ANKRD36: variants seen among roughly 807,000 people sequenced by gnomAD.
ANKRD36 encodes the protein ankyrin repeat domain-containing protein 36A.
In ANKRD36, 179 loss-of-function variants were observed where a neutral mutation model predicts 278.1. The ratio of observed to expected loss-of-function variants is 0.64; its 90% CI spans 0.57 to 0.73. The LOEUF is 0.73. Among genes scored for constraint, ANKRD36 ranks in the 30% least tolerant of loss-of-function variants. ANKRD36 has a pLI of 0.00. For missense variants in ANKRD36, 1,159 were observed against 1,956.7 expected (o/e 0.59, Z 7.69); for synonymous variants, 320 against 641.1 (o/e 0.50, Z 7.57).
chr2:97,152,069 T>C, intron 13 of ANKRD36, 130 bp downstream of exon 13: 1 of 591,554 alleles, frequency 1.7e-6, no homozygotes, highest in South Asian at 1.8e-5. Context: ...CTTGGCTCAC[T>C]GCAGTTTCCA....
chr2:97,221,812 GTTGCCA>G, intron 66 of ANKRD36, among the ~76,000 whole-genome samples: 1 of 146,968 alleles, frequency 6.8e-6, no homozygotes. Flanking sequence ...TTTGGCTTTT[GTTGCCA>G]TTGCTTTTGG....
chr2:97,180,108 T>C (rs2055703751), intron 24 of ANKRD36, among the ~76,000 whole-genome samples, 175 bp downstream of exon 24: 1 of 151,554 alleles, frequency 6.6e-6, no homozygotes, highest in South Asian at 2.1e-4. Flanking sequence ...TCCTTGGTCA[T>C]GATCTGAGTA....
At chr2:97,213,830 G>A (rs1326047244) in intron 60 of ANKRD36, among the ~76,000 whole-genome samples, 1 of 151,794 alleles carries the variant, frequency 6.6e-6, no homozygotes, top group Non-Finnish European at 1.5e-5. Context: ...CATTGAAATT[G>A]GGAAGAAGAA....
At chr2:97,134,558 A>G (rs2040992764) in intron 6 of ANKRD36, among the ~76,000 whole-genome samples, 1 of 152,136 alleles carries the variant, frequency 6.6e-6, no homozygotes, top group African/African-American at 2.4e-5. Flanking sequence ...TCTTTCTTTG[A>G]GGGATCACTT....
chr2:97,216,801 A>G (rs1315079965), intron 62 of ANKRD36: 3 of 482,396 alleles, frequency 6.2e-6, no homozygotes, highest in Non-Finnish European at 1.1e-5. Context: ...GATTTCTTGC[A>G]TGAAAGACCT....
At chr2:97,191,957 T>C (rs916060692) in intron 36 of ANKRD36, among the ~76,000 whole-genome samples, 1 of 151,640 alleles carries the variant, frequency 6.6e-6, no homozygotes, top group African/African-American at 2.4e-5. Flanking sequence ...TTGGATAAAA[T>C]AGCTATTTAA....
chr2:97,114,285 T>G (rs1574442915), intron 1 of ANKRD36, among the ~76,000 whole-genome samples: 5 of 78,306 alleles, frequency 6.4e-5, no homozygotes, highest in Non-Finnish European at 9.7e-5. Context: ...GGACTGGAGG[T>G]GGGGGTGAGG....
intron 14 of ANKRD36, among the ~76,000 whole-genome samples, chr2:97,153,468 A>T (rs2046633016): frequency 6.6e-6 from 1 of 151,186 alleles, no homozygotes. Context: ...CTAGAGACTA[A>T]ACAAAATATC....
At chr2:97,228,499 G>A in intron 67 of ANKRD36, among the ~76,000 whole-genome samples, 1 of 151,952 alleles carries the variant, frequency 6.6e-6, no homozygotes, top group East Asian at 2.0e-4. Context: ...TTATCATTTT[G>A]TATTGCATCT....
chr2:97,121,747 G>C (rs1283185400), intron 3 of ANKRD36, among the ~76,000 whole-genome samples: 2 of 151,964 alleles, frequency 1.3e-5, no homozygotes, highest in African/African-American at 2.4e-5. Flanking sequence ...ATAAGCCATT[G>C]TATTTTTATT....
At chr2:97,228,861 A>C (rs1162267612) in intron 67 of ANKRD36, among the ~76,000 whole-genome samples, 1 of 151,862 alleles carries the variant, frequency 6.6e-6, no homozygotes, top group Non-Finnish European at 1.5e-5. Flanking sequence ...GGTTTCAAAG[A>C]ACATCTTTAT....
At chr2:97,169,492 T>C (rs945190124) in intron 22 of ANKRD36, among the ~76,000 whole-genome samples, 1 of 152,298 alleles carries the variant, frequency 6.6e-6, no homozygotes, top group African/African-American at 2.4e-5. Flanking sequence ...AGAAAGGAAG[T>C]CAAATTGTCT....
Position 97,192,975 on chromosome 2 carries a change from A to G in ANKRD36, c.2377-6A>G. The G allele has an allele frequency of 6.3e-7, 1 of 1,584,228 alleles. No individual in the cohort carries two copies. Among genetic ancestry groups the G allele is most frequent in the Non-Finnish European group, 8.6e-7 (1 of 1,165,332 alleles). ...AATTTATTATTTCATTTGAAATTCC[A>G]TTCAGGCTACAAGTGACGAGGAAGG... On this transcript the variant is annotated splice_region_variant and splice_polypyrimidine_tract_variant and intron_variant, in intron 37 of 75. Coordinates refer to ENST00000420699, the MANE Select transcript of ANKRD36 (RefSeq NM_001354587.1).
chr2:97,180,963 T>A (rs1386778311), intron 24 of ANKRD36, among the ~76,000 whole-genome samples: 1 of 151,678 alleles, frequency 6.6e-6, no homozygotes, highest in African/African-American at 2.4e-5. Flanking sequence ...CATGAGCGGA[T>A]GAAGAAACTT....
In ANKRD36 at chr2:97,191,428, C is replaced by A. The variant is rs117704677; in HGVS notation, c.2347+247C>A. ...AAGAAATATGGAGAGCAGTTGAAGA[C>A]ATAAGGGGCTCTGGGGAACAGCATA... is the stretch of plus-strand genomic sequence containing the variant. On this transcript the variant is annotated intron_variant, in intron 36 of 75. Transcript: ENST00000420699. 6.7e-3 allele frequency among the ~76,000 whole-genome samples: 1,010 copies of A among 151,754 alleles called. 59 individuals carry two copies. The East Asian group carries it at 0.11, about 17-fold the overall frequency.
intron 15 of ANKRD36, among the ~76,000 whole-genome samples, chr2:97,156,622 GT>G (rs1475207118): frequency 7.3e-6 from 1 of 136,066 alleles, no homozygotes; most frequent in Non-Finnish European, 1.6e-5. Context: ...GTCTATCATT[GT>G]TGGACATTTG....
chr2:97,182,918 A>G (rs2056581089), intron 26 of ANKRD36, among the ~76,000 whole-genome samples: 1 of 151,710 alleles, frequency 6.6e-6, no homozygotes, highest in Non-Finnish European at 1.5e-5. Context: ...ATCCCAACCT[A>G]TATCCAAGCT....
chr2:97,202,005 G>A (rs185414162), intron 46 of ANKRD36, among the ~76,000 whole-genome samples, 197 bp from the exon 47 acceptor site: 288 of 151,888 alleles, frequency 1.9e-3, no homozygotes, highest in African/African-American at 6.5e-3. Context: ...AATTGTAAGG[G>A]TATATTTCAT....
intron 1 of ANKRD36, among the ~76,000 whole-genome samples, chr2:97,116,127 T>G (rs934544792): frequency 6.6e-5 from 10 of 152,168 alleles, no homozygotes; most frequent in African/African-American, 1.9e-4. Context: ...ATATTTTCTC[T>G]TATCTGTGAT....
Sources: allele counts gnomAD v4.1 joint callset (sites outside exome capture counted in the v4.1 genomes callset), GRCh38; gene constraint gnomAD v4.1.1; transcripts MANE v1.5; gene names NCBI Gene and HGNC (gene_info 2026-07-23, HGNC 2026-07-21).